The following TANC1 variants were observed in gnomAD, a reference collection of about 807,000 sequenced individuals.
TANC1 encodes tetratricopeptide repeat, ankyrin repeat and coiled-coil containing 1.
A neutral mutation model predicts 149.7 loss-of-function variants in TANC1; 77 were observed. The ratio of observed to expected loss-of-function variants is 0.51; its 90% CI spans 0.43 to 0.62. The LOEUF is 0.62. TANC1 is among the 20% of genes least tolerant of loss of function. TANC1 has a pLI of 0.00. For synonymous variants in TANC1, 854 were observed against 925.0 expected (o/e 0.92, Z 1.39); for missense variants, 1,985 against 2,321.8 (o/e 0.85, Z 2.98).
At chr2:159,110,653 A>T (rs187964031) in intron 4 of TANC1, among the ~76,000 whole-genome samples, 29 of 152,312 alleles carry the variant, frequency 1.9e-4, no homozygotes, top group African/African-American at 7.0e-4. Flanking sequence ...GAACTAAGAC[A>T]TAGGACAAGT....
rs564603504 is a variant in TANC1 at position 158,970,300 on chromosome 2, G to A, written c.-126+1518G>A. ...CCTTGGTCATCTTTATTCCTGCCAG[G>A]CTGGCACTCCTGAGGCAGGGGAGGG... On this transcript the variant is annotated intron_variant, in intron 1 of 26. Transcript: ENST00000263635. Among the ~76,000 whole-genome samples, 4 of 152,244 alleles carry A rather than the reference G, an allele frequency of 2.6e-5. No individual in the cohort carries two copies. In the South Asian group the frequency reaches 6.2e-4, roughly 24 times the overall value.
chr2:159,188,258 G>T (rs1019356507), intron 16 of TANC1, among the ~76,000 whole-genome samples: 2 of 152,344 alleles, frequency 1.3e-5, no homozygotes, highest in South Asian at 4.1e-4. Flanking sequence ...TTTTTAGAGT[G>T]TATTAAATGT....
chr2:159,107,815 T>C (rs1406030594), intron 4 of TANC1, among the ~76,000 whole-genome samples: 1 of 152,212 alleles, frequency 6.6e-6, no homozygotes, highest in Non-Finnish European at 1.5e-5. Flanking sequence ...AGTAATATCC[T>C]TTTGCTCCGA....
rs773368662 is a variant in TANC1, at chr2:159,196,805, A to G, written c.3165+12A>G. ...TGGGCCACAGCTCGGTGAGTGGGGC[A>G]GGGGTTTCCCTCCTGGGAAACAAGA... On this transcript the variant is annotated intron_variant, in intron 18 of 26. Transcript: ENST00000263635. 3.3e-5 allele frequency: 53 copies of G among 1,600,720 alleles called. No homozygotes were observed. The African/African-American group carries it at 5.6e-4, about 17-fold the overall frequency.
intron 1 of TANC1, among the ~76,000 whole-genome samples, chr2:158,972,340 T>C (rs1449798132): frequency 2.0e-5 from 3 of 152,226 alleles, no homozygotes; most frequent in Non-Finnish European, 4.4e-5. Context: ...ATTCCTTTTT[T>C]TGGTGTCATC....
intron 3 of TANC1, among the ~76,000 whole-genome samples, chr2:159,091,977 T>G (rs1259647022): frequency 6.7e-6 from 1 of 150,226 alleles, no homozygotes. Flanking sequence ...GGGGTGTGTG[T>G]GTGTATGTAT....
At chr2:159,059,443 G>A (rs1186969422) in intron 2 of TANC1, among the ~76,000 whole-genome samples, 1 of 151,804 alleles carries the variant, frequency 6.6e-6, no homozygotes, top group Admixed American at 6.6e-5. Flanking sequence ...CAAGACTGCA[G>A]TGAACTGTCA....
chr2:159,204,345 G>T (rs2058458882), intron 19 of TANC1, among the ~76,000 whole-genome samples: 2 of 152,210 alleles, frequency 1.3e-5, no homozygotes, highest in African/African-American at 4.8e-5. Context: ...CTCAGACCAT[G>T]CTCTGTTGGA....
At chr2:159,136,031 TGTGTGTGTGTGTGTGTGTGCGC>T (rs1410850722) in intron 4 of TANC1, among the ~76,000 whole-genome samples, 141 bp from the exon 5 acceptor site, 7 of 84,532 alleles carry the variant, frequency 8.3e-5, no homozygotes, top group African/African-American at 1.7e-4. Flanking sequence ...TGTGTGTGTG[TGTGTGTGTGTGTGTGTGTGCGC>T]GCGCGCGCGT....
intron 5 of TANC1, among the ~76,000 whole-genome samples, chr2:159,141,095 G>A (rs1046792018): frequency 6.6e-6 from 1 of 152,194 alleles, no homozygotes; most frequent in African/African-American, 2.4e-5. Context: ...CATAAACTGA[G>A]TGGTTGATAA....
chr2:159,079,711 C>G (rs1433200641), intron 3 of TANC1, among the ~76,000 whole-genome samples: 1 of 152,158 alleles, frequency 6.6e-6, no homozygotes, highest in African/African-American at 2.4e-5. Flanking sequence ...GAACCCATCA[C>G]GGACTCAGAC....
chr2:159,071,664 T>G (rs2043165599), intron 3 of TANC1, among the ~76,000 whole-genome samples: 1 of 152,238 alleles, frequency 6.6e-6, no homozygotes, highest in Non-Finnish European at 1.5e-5. Flanking sequence ...TGGTACCTTC[T>G]AAACATGCCT....
intron 1 of TANC1, among the ~76,000 whole-genome samples, chr2:158,989,220 T>G (rs1166091238): frequency 1.3e-5 from 2 of 152,066 alleles, no homozygotes; most frequent in African/African-American, 4.8e-5. Flanking sequence ...AATACTTTTT[T>G]GGGGGGTGCT....
chr2:159,133,700 C>T (rs959824564), intron 4 of TANC1, among the ~76,000 whole-genome samples: 6 of 152,148 alleles, frequency 3.9e-5, no homozygotes, highest in African/African-American at 1.4e-4. Context: ...GCCTACATCC[C>T]GCACTTAGAT....
chr2:159,020,198 A>G (rs944706956), intron 2 of TANC1, among the ~76,000 whole-genome samples: 3 of 152,244 alleles, frequency 2.0e-5, no homozygotes, highest in East Asian at 1.9e-4. Flanking sequence ...GCTCACTGCA[A>G]CCTCTGCCTC....
At chr2:158,975,947 C>T (rs1017384315) in intron 1 of TANC1, among the ~76,000 whole-genome samples, 5 of 151,776 alleles carry the variant, frequency 3.3e-5, no homozygotes, top group Non-Finnish European at 5.9e-5. Context: ...GATCCTCCCA[C>T]CTCAGCCTCC....
chr2:159,136,002 TTG>T (rs754052800), intron 4 of TANC1, among the ~76,000 whole-genome samples, 190 bp from the exon 5 acceptor site: 5,751 of 107,710 alleles, frequency 0.053, 154 homozygotes, highest in Non-Finnish European at 0.072. Context: ...TACTGAAATT[TTG>T]TGTGTGTGTG....
intron 5 of TANC1, among the ~76,000 whole-genome samples, chr2:159,146,706 A>C (rs899575250): frequency 2.6e-5 from 4 of 151,874 alleles, no homozygotes; most frequent in African/African-American, 9.7e-5. Flanking sequence ...ACGCCCAGCT[A>C]ATTTTTGTAT....
chr2:159,230,341 G>T lies in TANC1; in HGVS notation c.4915G>T (p.Asp1639Tyr). The T allele has an allele frequency of 6.2e-7, 1 of 1,614,090 alleles. No homozygotes were observed. The highest frequency in any genetic ancestry group is 1.3e-5 in the African/African-American group (1 of 75,030). The change falls in exon 27 of 27, where the codon GAC (aspartate) becomes TAC (tyrosine). Residue 1639 changes from aspartate to tyrosine, a missense_variant. Physicochemically the swap from Asp to Tyr is radical, Grantham distance 160. Around this residue, in one of 3 missense-constraint regions of TANC1, gnomAD observed 920 missense variants for 994.7 expected, o/e 0.92. Transcript: ENST00000263635. This position sits in a 1 kb window ranked among gnomAD's most constrained non-coding sequence, Gnocchi z 4.4. ...TCTGTCTCATTCCTCCGTGGCTGTG[G>T]ACGCAGCCCCTCCAAACCAAGGTGG... is the stretch of plus-strand genomic sequence containing the variant. ...RLLSHSSVAVDAAPPNQGGLA... is the reference protein window; with the variant it reads ...RLLSHSSVAVYAAPPNQGGLA...
Sources: gnomAD v4.1 joint callset for allele counts (sites outside exome capture counted in the v4.1 genomes callset) on GRCh38, gnomAD v4.1.1 for gene constraint, gnomAD v4.1.1 regional missense constraint, Gnocchi (gnomAD v3.1) non-coding constraint, MANE v1.5 for transcripts, NCBI Gene and HGNC (gene_info 2026-07-23, HGNC 2026-07-21) for gene names.